The following XCR1 variants were observed in gnomAD, a reference collection of about 807,000 sequenced individuals.
XCR1 encodes the protein X-C motif chemokine receptor 1.
For synonymous variants in XCR1, 187 were observed against 188.5 expected, an observed-to-expected ratio of 0.99 and a Z score of 0.06; for missense variants, 356 against 424.2, an observed-to-expected ratio of 0.84 and a Z score of 1.41.
intron 5 of XCR1, among the ~76,000 whole-genome samples, chr3:46,035,728 T>C (rs954637417): frequency 2.0e-5 from 3 of 152,228 alleles, no homozygotes; most frequent in African/African-American, 7.2e-5. Context: ...GAGATGCTCC[T>C]CTCAATTTGG....
intron 4 of XCR1, among the ~76,000 whole-genome samples, chr3:46,064,921 G>A (rs535969773): frequency 4.6e-5 from 7 of 152,036 alleles, no homozygotes; most frequent in African/African-American, 7.2e-5. Flanking sequence ...GAGAAACCCC[G>A]TCTCTACTAA....
intron 2 of XCR1, among the ~76,000 whole-genome samples, chr3:46,075,308 C>CAAAAAAAAAAAAAAAAAA (rs56787185): frequency 5.5e-4 from 34 of 61,648 alleles, no homozygotes; most frequent in African/African-American, 1.6e-3. Flanking sequence ...GCTCATAGAC[C>CAAAAAAAAAAAAAAAAAA]AAAAAAAAAA....
At chr3:46,032,869 A>G (rs889942434) in intron 5 of XCR1, among the ~76,000 whole-genome samples, 2 of 152,216 alleles carry the variant, frequency 1.3e-5, no homozygotes, top group African/African-American at 2.4e-5. Context: ...TTGTAATTCT[A>G]TAATGACATA....
At chr3:46,046,083 G>C (rs1269349043) in intron 5 of XCR1, among the ~76,000 whole-genome samples, 2 of 152,194 alleles carry the variant, frequency 1.3e-5, no homozygotes, top group East Asian at 3.9e-4. Flanking sequence ...GAGAGAACTG[G>C]AGGCCATTAT....
intron 4 of XCR1, among the ~76,000 whole-genome samples, chr3:46,062,341 C>T (rs755658851): frequency 6.6e-6 from 1 of 152,152 alleles, no homozygotes; most frequent in African/African-American, 2.4e-5. Context: ...AGGCCACATG[C>T]CAGTCTCCCC....
intron 5 of XCR1, among the ~76,000 whole-genome samples, chr3:46,046,877 T>G (rs1013499644): frequency 6.6e-6 from 1 of 152,170 alleles, no homozygotes; most frequent in African/African-American, 2.4e-5. Flanking sequence ...ATATCAAAGG[T>G]GATGTTGGAT....
chr3:46,064,315 A>G (rs774827100), intron 4 of XCR1, among the ~76,000 whole-genome samples: 39 of 152,178 alleles, frequency 2.6e-4, no homozygotes, highest in Admixed American at 2.0e-4. Context: ...TGTATTGTTC[A>G]TTGGTCTGTC....
chr3:46,031,656 G>C (rs1248098827), upstream of XCR1, among the ~76,000 whole-genome samples: 1 of 152,202 alleles, frequency 6.6e-6, no homozygotes, highest in East Asian at 1.9e-4. Flanking sequence ...CTTCAAGCTG[G>C]GGAAGGCCTG....
intron 3 of XCR1, among the ~76,000 whole-genome samples, chr3:46,067,963 C>G (rs1193584409): frequency 2.0e-5 from 3 of 152,106 alleles, no homozygotes; most frequent in African/African-American, 7.2e-5. Flanking sequence ...GTGTGTTAAG[C>G]TATAGAATTT....
chr3:46,071,763 C>T (rs984558295), intron 3 of XCR1, among the ~76,000 whole-genome samples: 5 of 152,034 alleles, frequency 3.3e-5, no homozygotes, highest in Non-Finnish European at 5.9e-5. Context: ...TCAGCATCAC[C>T]TCATGATAAA....
intron 3 of XCR1, among the ~76,000 whole-genome samples, chr3:46,069,294 A>T (rs919665404): frequency 2.6e-5 from 4 of 152,188 alleles, no homozygotes; most frequent in African/African-American, 9.7e-5. Flanking sequence ...AAAAGAAATG[A>T]CACAAAAAGA....
rs553341400 is a variant in XCR1, at chr3:46,071,125, A to G, written c.-263+3526T>C. Among the ~76,000 whole-genome samples, 5 of 152,314 alleles carry G rather than the reference A, an allele frequency of 3.3e-5. No homozygotes were observed. The South Asian group carries it at 1.0e-3, about 32-fold the overall frequency. On this transcript the variant is annotated intron_variant, in intron 3 of 5. Transcript: ENST00000683768. The stretch of plus-strand genomic sequence containing the variant: ...CCACAGAAATACAAAAGATCATTAG[A>G]GACTATTATGAACAACTATATAGTC...
At chr3:46,052,078 A>C (rs1697757879) in intron 5 of XCR1, among the ~76,000 whole-genome samples, 1 of 152,206 alleles carries the variant, frequency 6.6e-6, no homozygotes, top group Non-Finnish European at 1.5e-5. Context: ...AACCAGAGTC[A>C]ACAACTCCTG....
intron 1 of XCR1, among the ~76,000 whole-genome samples, chr3:46,079,345 C>T (rs972323391): frequency 2.6e-5 from 4 of 152,094 alleles, no homozygotes; most frequent in Non-Finnish European, 4.4e-5. Context: ...GAGAAAAAAG[C>T]TGGTTTTAGA....
chr3:46,048,892 A>C (rs1697685825), intron 5 of XCR1, among the ~76,000 whole-genome samples: 1 of 152,162 alleles, frequency 6.6e-6, no homozygotes, highest in Non-Finnish European at 1.5e-5. Context: ...GTAATGTTTG[A>C]TGTGCCTGCT....
chr3:46,075,308 C>CAAAAAAAAAAAACA (rs1698238550), intron 2 of XCR1, among the ~76,000 whole-genome samples: 1 of 61,674 alleles, frequency 1.6e-5, no homozygotes, highest in African/African-American at 6.9e-5. Flanking sequence ...GCTCATAGAC[C>CAAAAAAAAAAAACA]AAAAAAAAAA....
At position 46,017,792 on chromosome 3, in the gene XCR1, T is replaced by G. The variant is rs967913288; in HGVS notation, c.*3154A>C. ...TTTATGTTCCAGGAGTGGTTAGAGG[T>G]CTGCAGCTCTGTGTCCAGGACATCT... is the stretch of plus-strand genomic sequence containing the variant. On this transcript the variant is annotated 3_prime_UTR_variant, in exon 2 of 2. Transcript: ENST00000309285. 6 of 152,074 alleles carry G rather than the reference T, an allele frequency of 3.9e-5. No individual in the cohort carries two copies. The highest frequency in any genetic ancestry group is 7.4e-5 in the Non-Finnish European group (5 of 68,026). The allele number at this position is 152,074 out of a possible 1,614,324, so 9.4% of individuals were successfully genotyped here.
At chr3:46,056,210 T>C (rs1413370739) in intron 4 of XCR1, among the ~76,000 whole-genome samples, 1 of 152,212 alleles carries the variant, frequency 6.6e-6, no homozygotes, top group Non-Finnish European at 1.5e-5. Flanking sequence ...TCGTTTTTTT[T>C]CTTTTTATTT....
At chr3:46,074,682 G>A in exon 3 of XCR1, among the ~76,000 whole-genome samples, 1 of 152,102 alleles carries the variant, frequency 6.6e-6, no homozygotes. Flanking sequence ...TCATCATAAA[G>A]GCTTTCATCC....
Sources: allele counts gnomAD v4.1 joint callset (sites outside exome capture counted in the v4.1 genomes callset), GRCh38; gene constraint gnomAD v4.1.1; transcripts MANE v1.5; gene names NCBI Gene and HGNC (gene_info 2026-07-23, HGNC 2026-07-21).